The following ZBTB20 variants were observed in gnomAD, a reference collection of about 807,000 sequenced individuals.
ZBTB20 encodes zinc finger and BTB domain containing 20.
In ZBTB20, 9 loss-of-function variants were observed where a neutral mutation model predicts 56.9. That is an observed-to-expected ratio of 0.16 (90% CI 0.10 to 0.28). ZBTB20 has a LOEUF of 0.28. Ranked by LOEUF, ZBTB20 falls within the 10% of genes least tolerant of loss-of-function variation. The pLI is 1.00. For synonymous variants in ZBTB20, 417 were observed against 420.7 expected, an observed-to-expected ratio of 0.99 and a Z score of 0.11; for missense variants, 655 against 1,003.0, an observed-to-expected ratio of 0.65 and a Z score of 4.69.
At chr3:114,556,854 G>T (rs2051290397) in intron 6 of ZBTB20, among the ~76,000 whole-genome samples, 1 of 152,048 alleles carries the variant, frequency 6.6e-6, no homozygotes, top group South Asian at 2.1e-4. Context: ...TCAGTATACT[G>T]CTGAGGATGC....
At chr3:114,447,793 T>C (rs2091357703) in intron 7 of ZBTB20, among the ~76,000 whole-genome samples, 1 of 152,146 alleles carries the variant, frequency 6.6e-6, no homozygotes, top group African/African-American at 2.4e-5. Context: ...TTCAACCACT[T>C]AGAGGCTCTG....
chr3:115,035,622 G>A (rs1333979082), intron 2 of ZBTB20, among the ~76,000 whole-genome samples: 1 of 151,854 alleles, frequency 6.6e-6, no homozygotes, highest in Non-Finnish European at 1.5e-5. Context: ...TTACACCTTT[G>A]ATAGAAATGT....
chr3:114,367,110 C>T (rs898453182), intron 10 of ZBTB20: 8 of 152,264 alleles, frequency 5.3e-5, no homozygotes, highest in Non-Finnish European at 1.2e-4. Flanking sequence ...GTTTTGCCCT[C>T]TTCGGGTATC....
intron 2 of ZBTB20, among the ~76,000 whole-genome samples, chr3:115,040,378 C>T (rs1390545141): frequency 6.6e-6 from 1 of 152,094 alleles, no homozygotes; most frequent in Non-Finnish European, 1.5e-5. Context: ...TCTGGGAGCA[C>T]ACTGGAATGG....
In ZBTB20 at chr3:114,380,227, C is replaced by G. The variant is rs1236262753; in HGVS notation, c.189G>C (p.Gly63=). The change falls in exon 10 of 12, where the codon GGG becomes GGC. Residue 63 remains glycine, a synonymous_variant. Coordinates refer to ENST00000675478, the MANE Select transcript of ZBTB20 (RefSeq NM_001348800.3). ...TAGTGGTGTACTCACAATCAGATGA[C>G]CCGGTGTGAGCGTGAGAGTTTGTCA... ...HSLTNSHAHT[G]SSDCDISCKG... 3.9e-6 allele frequency: 6 copies of G among 1,536,008 alleles called. No individual in the cohort carries two copies. Among genetic ancestry groups the G allele is most frequent in the Non-Finnish European group, 4.4e-6 (5 of 1,146,256 alleles).
chr3:114,724,353 T>A (rs1297954124), intron 5 of ZBTB20, among the ~76,000 whole-genome samples: 2 of 152,210 alleles, frequency 1.3e-5, no homozygotes, highest in African/African-American at 4.8e-5. Flanking sequence ...AAGATGACAG[T>A]TGACTAACAT....
chr3:114,857,046 G>C (rs1290048563), intron 4 of ZBTB20, among the ~76,000 whole-genome samples: 1 of 152,074 alleles, frequency 6.6e-6, no homozygotes. Flanking sequence ...CCTATTTCCA[G>C]TTCTTTTGTT....
chr3:114,485,983 TAATCCCTCATTTTCTAAGAAGG>T (rs1209806534), intron 7 of ZBTB20, among the ~76,000 whole-genome samples: 3 of 152,112 alleles, frequency 2.0e-5, no homozygotes, highest in Non-Finnish European at 4.4e-5. Context: ...CATTTAAATG[TAATCCCTCATTTTCTAAGAAGG>T]AATAAGCCAG....
At chr3:114,958,321 T>C (rs551917273) in intron 3 of ZBTB20, among the ~76,000 whole-genome samples, 76 of 152,376 alleles carry the variant, frequency 5.0e-4, no homozygotes, top group Non-Finnish European at 8.8e-4. Flanking sequence ...TTACTTTGTG[T>C]GACAGTAATA....
chr3:115,001,308 C>G (rs886171387), intron 2 of ZBTB20, among the ~76,000 whole-genome samples: 2 of 151,292 alleles, frequency 1.3e-5, no homozygotes, highest in Non-Finnish European at 3.0e-5. Flanking sequence ...TCTTTTATAT[C>G]CAATGGAATA....
intron 5 of ZBTB20, among the ~76,000 whole-genome samples, chr3:114,748,283 T>TTTCTTTC (rs1560201605): frequency 1.8e-5 from 1 of 55,100 alleles, no homozygotes; most frequent in African/African-American, 6.2e-5. Flanking sequence ...TTGTAGCTTC[T>TTTCTTTC]TTCTTTCTTT....
chr3:114,508,732 A>C (rs2044957634), intron 6 of ZBTB20, among the ~76,000 whole-genome samples: 1 of 152,108 alleles, frequency 6.6e-6, no homozygotes, highest in Non-Finnish European at 1.5e-5. Flanking sequence ...AGAGAGAAAG[A>C]AATGTAGTTT....
chr3:114,334,614 A>C lies in ZBTB20; in HGVS notation c.*4391T>G, dbSNP rs2079386602. 1 of 152,200 alleles carries C rather than the reference A, an allele frequency of 6.6e-6. No individual in the cohort carries two copies. Among genetic ancestry groups the C allele is most frequent in the Non-Finnish European group, 1.5e-5 (1 of 68,036 alleles). 9.4% of individuals were successfully genotyped at this position (152,200 alleles called of 1,614,324 possible). ...ATTTGGGACCTTATAGAATATTTTG[A>C]TGATACAAAATAAAACCCTTATGAC... On this transcript the variant is annotated 3_prime_UTR_variant, in exon 12 of 12. Coordinates refer to ENST00000675478, the MANE Select transcript of ZBTB20 (RefSeq NM_001348800.3).
Position 115,119,668 on chromosome 3 carries a change from G to C in ZBTB20, c.-703+27551C>G, listed in dbSNP as rs1248743586. Among the ~76,000 whole-genome samples the C allele has an allele frequency of 2.0e-5, 3 of 152,114 alleles. No individual in the cohort carries two copies. In the South Asian group the frequency reaches 6.2e-4, roughly 31 times the overall value. The stretch of plus-strand genomic sequence containing the variant: ...GAAAGCATTCAATAAATTTTAGCTT[G>C]TGTTTATTTCTATTTTATCTAAATA... On this transcript the variant is annotated intron_variant, in intron 1 of 11. Coordinates refer to ENST00000675478, the MANE Select transcript of ZBTB20 (RefSeq NM_001348800.3).
chr3:114,326,585 T>A lies in ZBTB20; in HGVS notation c.*12420A>T, dbSNP rs1350717241. 2.6e-5 allele frequency: 4 copies of A among 152,080 alleles called. No homozygotes were observed. The highest frequency in any genetic ancestry group is 9.7e-5 in the African/African-American group (4 of 41,414). 9.4% of individuals were successfully genotyped at this position (152,080 alleles called of 1,614,324 possible). ...TGACTGTCCATGGACAGTAACAAAT[T>A]AAGAAATAAAAATCCTTTACTATCT... On this transcript the variant is annotated 3_prime_UTR_variant, in exon 12 of 12. Coordinates refer to ENST00000675478, the MANE Select transcript of ZBTB20 (RefSeq NM_001348800.3).
intron 6 of ZBTB20, among the ~76,000 whole-genome samples, chr3:114,641,713 C>A (rs1303113865): frequency 1.3e-5 from 2 of 151,566 alleles, no homozygotes; most frequent in East Asian, 3.9e-4. Context: ...TTTCCTATTT[C>A]TTTTCTGAAA....
rs895276098 is a variant in ZBTB20 at position 115,071,294 on chromosome 3, G to A, written c.-582C>T. 11 of 152,140 alleles carry A rather than the reference G, an allele frequency of 7.2e-5. No homozygotes were observed. Among genetic ancestry groups the A allele is most frequent in the African/African-American group, 2.4e-4 (10 of 41,452 alleles). The allele number at this position is 152,140 out of a possible 1,614,324, so 9.4% of individuals were successfully genotyped here. ...AAGAATATCATAGGCATGGGTGTGA[G>A]ATCAACTGGAGATTCAAGGAAGCTA... On this transcript the variant is annotated 5_prime_UTR_variant, in exon 2 of 12. Coordinates refer to ENST00000675478, the MANE Select transcript of ZBTB20 (RefSeq NM_001348800.3).
intron 2 of ZBTB20, among the ~76,000 whole-genome samples, chr3:115,061,310 T>A (rs1296091360): frequency 1.3e-5 from 2 of 152,188 alleles, no homozygotes; most frequent in African/African-American, 4.8e-5. Context: ...TAGTCATCCC[T>A]GTTTACTTTT....
chr3:115,046,609 T>G lies in ZBTB20; in HGVS notation c.-507+24610A>C, dbSNP rs540412097. Among the ~76,000 whole-genome samples, 3 of 152,308 alleles carry G rather than the reference T, an allele frequency of 2.0e-5. No homozygotes were observed. In the South Asian group the frequency reaches 6.2e-4, roughly 32 times the overall value. ...ATGACTTAATAAGACTACTTGAAAT[T>G]ATAGGAATAGTTTTTATAGGATTTA... On this transcript the variant is annotated intron_variant, in intron 2 of 11. Transcript: ENST00000675478.
Sources: gnomAD v4.1 joint callset for allele counts (sites outside exome capture counted in the v4.1 genomes callset) on GRCh38, gnomAD v4.1.1 for gene constraint, MANE v1.5 for transcripts, NCBI Gene and HGNC (gene_info 2026-07-23, HGNC 2026-07-21) for gene names.